Variants in TMEM243 observed in about 807,000 individuals in gnomAD.
TMEM243 encodes the protein transmembrane protein 243.
Under a neutral mutation model 15.0 loss-of-function variants are expected in TMEM243, and 20 were observed. That is an observed-to-expected ratio of 1.33 (90% confidence interval 0.94 to 1.93). The LOEUF (loss-of-function observed/expected upper bound fraction) is 1.93. Among genes scored for constraint, TMEM243 ranks in the 30% most tolerant of loss-of-function variants. TMEM243 has a pLI of 0.00. For synonymous variants in TMEM243, 72 were observed against 52.7 expected (o/e 1.37, Z -1.59); for missense variants, 156 against 142.1 (o/e 1.10, Z -0.50).
chr7:87,197,688 A>ATTTTTTTTTTTTTT (rs71906317), intron 3 of TMEM243: 1 of 980,766 alleles, frequency 1.0e-6, no homozygotes, highest in Non-Finnish European at 1.3e-6. Context: ...CTTTCCACTA[A>ATTTTTTTTTTTTTT]TTTTTTTTTT....
At chr7:87,197,786 C>G in intron 3 of TMEM243, 155 bp downstream of exon 3, 1 of 1,459,146 alleles carries the variant, frequency 6.9e-7, no homozygotes, top group Middle Eastern at 2.0e-4. Flanking sequence ...GGAGAAGACT[C>G]AGATTTTATT....
At chr7:87,214,670 A>T (rs1802983252) in intron 1 of TMEM243, among the ~76,000 whole-genome samples, 1 of 152,234 alleles carries the variant, frequency 6.6e-6, no homozygotes, top group South Asian at 2.1e-4. Context: ...AATGTTTCAC[A>T]AACTTGGTTA....
At chr7:87,209,487 A>T (rs1802468045) in intron 1 of TMEM243, among the ~76,000 whole-genome samples, 1 of 132,236 alleles carries the variant, frequency 7.6e-6, no homozygotes, top group Non-Finnish European at 1.6e-5. Flanking sequence ...TGAGATAGTG[A>T]GAGAGAGAGA....
At chr7:87,210,700 T>A (rs1802682671) in intron 1 of TMEM243, among the ~76,000 whole-genome samples, 1 of 152,248 alleles carries the variant, frequency 6.6e-6, no homozygotes, top group Non-Finnish European at 1.5e-5. Flanking sequence ...CAACTCCACA[T>A]GGCCCTGTGG....
At chr7:87,202,080 C>A (rs1410365667) in intron 1 of TMEM243, among the ~76,000 whole-genome samples, 1 of 152,020 alleles carries the variant, frequency 6.6e-6, no homozygotes, top group African/African-American at 2.4e-5. Context: ...TGAGATTTCA[C>A]CTATATCATC....
At chr7:87,219,798 C>T, upstream of TMEM243, 1 of 437,734 alleles carries the variant, frequency 2.3e-6, no homozygotes, top group Non-Finnish European at 4.1e-6. Flanking sequence ...GCTCCCACTT[C>T]CTCAAATCTC....
rs62486481 is a variant in TMEM243, at chr7:87,197,997, A to G, written c.178T>C (p.Leu60=). 4.0e-5 allele frequency: 64 copies of G among 1,612,900 alleles called. No homozygotes were observed. The highest frequency in any genetic ancestry group is 5.3e-5 in the Non-Finnish European group (62 of 1,179,272). The change falls in exon 3 of 4, where the codon TTG becomes CTG. Residue 60 remains leucine, a synonymous_variant. Coordinates refer to ENST00000257637, the MANE Select transcript of TMEM243 (RefSeq NM_024315.4). ...ATGCAGACAGCAAAGAATATATTCA[A>G]CGGTTTTGGAGGTAGTTGAGGGAAA... ...FVFPQLPPKP[L]NIFFAVCISL...
chr7:87,198,379 C>A, intron 2 of TMEM243: 1 of 228,102 alleles, frequency 4.4e-6, no homozygotes, highest in Non-Finnish European at 8.5e-6. Flanking sequence ...ATATTTCTAG[C>A]AAAATGAATA....
chr7:87,196,768 GA>G lies in TMEM243; in HGVS notation c.235-11del, dbSNP rs1562873819. ...GTCGATACCAGTAGATCTAAAAGAAGAATTAAAGTTTATAAATTAAAATTTG... is the reference window on the plus strand; with the variant it reads ...GTCGATACCAGTAGATCTAAAAGAAGATTAAAGTTTATAAATTAAAATTTG... On this transcript the variant is annotated splice_polypyrimidine_tract_variant and intron_variant, in intron 3 of 3. Transcript: ENST00000257637. 1.3e-6 allele frequency: 2 copies of G among 1,515,566 alleles called. No individual in the cohort carries two copies. Among genetic ancestry groups the G allele is most frequent in the Non-Finnish European group, 1.8e-6 (2 of 1,120,092 alleles). The allele number at this position is 1,515,566 out of a possible 1,614,324, so 93.9% of individuals were successfully genotyped here. A position where few individuals can be genotyped will look rare whatever the true frequency, so the allele number is the denominator to read the frequency against.
chr7:87,196,323 T>TA lies in TMEM243; in HGVS notation c.*312dup, dbSNP rs1801221141. On this transcript the variant is annotated 3_prime_UTR_variant, in exon 4 of 4. Coordinates refer to ENST00000257637, the MANE Select transcript of TMEM243 (RefSeq NM_024315.4). Reference sequence around the variant, plus strand: ...AACAGAAATAAAAGAATATTTGTCTTAAGATGCAAGATTTGTTTTTACATA... The same window carrying TA: ...AACAGAAATAAAAGAATATTTGTCTTAAAGATGCAAGATTTGTTTTTACATA... 4.6e-6 allele frequency: 1 copy of TA among 217,960 alleles called. No individual in the cohort carries two copies. Among genetic ancestry groups the TA allele is most frequent in the African/African-American group, 2.3e-5 (1 of 43,294 alleles). 13.5% of individuals were successfully genotyped at this position (217,960 alleles called of 1,614,324 possible). A position where few individuals can be genotyped will look rare whatever the true frequency, so the allele number is the denominator to read the frequency against.
chr7:87,219,713 G>A lies in TMEM243; in HGVS notation c.-210C>T, dbSNP rs916529815. The A allele has an allele frequency of 6.9e-6, 4 of 580,272 alleles. No individual in the cohort carries two copies. The African/African-American group carries it at 7.5e-5, about 11-fold the overall frequency. 35.9% of individuals were successfully genotyped at this position (580,272 alleles called of 1,614,324 possible). A position where few individuals can be genotyped will look rare whatever the true frequency, so the allele number is the denominator to read the frequency against. On this transcript the variant is annotated 5_prime_UTR_variant, in exon 1 of 4. Transcript: ENST00000257637. ...CCGGCCCCGCGCACCTCCTCATCTT[G>A]AGCAGCTGCCGCAGGAAGTGAAAGG...
intron 1 of TMEM243, among the ~76,000 whole-genome samples, chr7:87,205,341 ATTTT>A (rs555923491): frequency 1.4e-5 from 2 of 142,378 alleles, no homozygotes; most frequent in Non-Finnish European, 3.1e-5. Flanking sequence ...TCTCCTCAGG[ATTTT>A]TTTTTTTTTT....
intron 2 of TMEM243, chr7:87,198,531 G>A (rs1027428660): frequency 1.8e-5 from 3 of 169,272 alleles, no homozygotes; most frequent in African/African-American, 7.2e-5. Context: ...TAAATTTAAT[G>A]TGCCAGAAAA....
intron 1 of TMEM243, among the ~76,000 whole-genome samples, chr7:87,204,504 G>A (rs867374926): frequency 6.6e-6 from 1 of 151,978 alleles, no homozygotes; most frequent in South Asian, 2.1e-4. Flanking sequence ...TAAAATGGGG[G>A]TACGGGCATT....
chr7:87,207,270 G>C (rs1242192374), intron 1 of TMEM243, among the ~76,000 whole-genome samples: 1 of 152,196 alleles, frequency 6.6e-6, no homozygotes, highest in African/African-American at 2.4e-5. Context: ...CCCAGAGAGG[G>C]GCAAGGCAAA....
chr7:87,199,946 C>T (rs187697800), intron 1 of TMEM243, among the ~76,000 whole-genome samples: 8 of 152,198 alleles, frequency 5.3e-5, no homozygotes, highest in Admixed American at 2.0e-4. Flanking sequence ...ACGAATCAGT[C>T]GTCTTAAATG....
rs1227271581 is a variant in TMEM243, at chr7:87,219,471, G to A, written c.33C>T (p.Thr11=). 1.9e-6 allele frequency: 3 copies of A among 1,614,116 alleles called. No individual in the cohort carries two copies. The highest frequency in any genetic ancestry group is 1.3e-5 in the African/African-American group (1 of 74,948). The change falls in exon 1 of 4, where the codon ACC becomes ACT. Residue 11 remains threonine (T), a synonymous_variant. Coordinates refer to ENST00000257637, the MANE Select transcript of TMEM243 (RefSeq NM_024315.4). MEDFATRTYG[T]SGLDNRPLFG... ...ACAGAGGTCTGTTGTCCAGGCCACT[G>A]GTGCCGTAGGTCCTGGTAGCAAAGT...
chr7:87,201,300 T>A (rs1406319403), intron 1 of TMEM243, among the ~76,000 whole-genome samples: 1 of 152,232 alleles, frequency 6.6e-6, no homozygotes, highest in Non-Finnish European at 1.5e-5. Flanking sequence ...CAAAGTGTAG[T>A]CTATGAACCA....
chr7:87,205,017 G>T (rs112046729), intron 1 of TMEM243, among the ~76,000 whole-genome samples: 1 of 152,178 alleles, frequency 6.6e-6, no homozygotes, highest in Non-Finnish European at 1.5e-5. Context: ...TGACTTCTGC[G>T]CACCTGCGGA....
Sources: gnomAD v4.1 joint callset for allele counts (sites outside exome capture counted in the v4.1 genomes callset) on GRCh38, gnomAD v4.1.1 for gene constraint, MANE v1.5 for transcripts, NCBI Gene and HGNC (gene_info 2026-07-23, HGNC 2026-07-21) for gene names.